The following TRAPPC9 variants were observed in gnomAD, a reference collection of about 807,000 sequenced individuals.
The protein encoded by TRAPPC9 is IKK2 binding protein.
Under a neutral mutation model 124.0 loss-of-function variants are expected in TRAPPC9, and 83 were observed. That is an observed-to-expected ratio of 0.67 (90% CI 0.56 to 0.80). The LOEUF (loss-of-function observed/expected upper bound fraction) is 0.80, where lower values mean the gene tolerates loss of function less well. Ranked by LOEUF, TRAPPC9 falls within the 30% of genes least tolerant of loss-of-function variation. The pLI, the probability that TRAPPC9 is intolerant of heterozygous loss-of-function variation, is 0.00. For missense variants in TRAPPC9, 1,302 were observed against 1,508.3 expected, an observed-to-expected ratio of 0.86 and a Z score of 2.27; for synonymous variants, 638 against 617.5, an observed-to-expected ratio of 1.03 and a Z score of -0.49.
chr8:139,798,982 C>G (rs1318117723), intron 21 of TRAPPC9, among the ~76,000 whole-genome samples: 2 of 152,152 alleles, frequency 1.3e-5, no homozygotes, highest in Non-Finnish European at 2.9e-5. Flanking sequence ...CCACATCACT[C>G]CAATCGTGGC....
In TRAPPC9 at chr8:139,729,594, C is replaced by T. The variant is rs1256003430; in HGVS notation, c.*1467G>A. Among the ~76,000 whole-genome samples, 1 of 152,212 alleles carries T rather than the reference C, an allele frequency of 6.6e-6. No homozygotes were observed. Among genetic ancestry groups the T allele is most frequent in the African/African-American group, 2.4e-5 (1 of 41,452 alleles). ...ACACCACATCACAGTGTGCTCCCAT[C>T]ATTCACTGAGCGACAACAGGAGGCC... On this transcript the variant is annotated 3_prime_UTR_variant, in exon 23 of 23. Coordinates refer to ENST00000438773, the MANE Select transcript of TRAPPC9 (RefSeq NM_001160372.4).
At chr8:139,842,882 C>A (rs75569969) in intron 21 of TRAPPC9, among the ~76,000 whole-genome samples, 1 of 152,186 alleles carries the variant, frequency 6.6e-6, no homozygotes, top group African/African-American at 2.4e-5. Flanking sequence ...TTTCATGTCA[C>A]CCCTCTAATC....
intron 17 of TRAPPC9, among the ~76,000 whole-genome samples, chr8:140,107,857 C>T (rs1440266752): frequency 2.1e-5 from 3 of 140,144 alleles, no homozygotes; most frequent in East Asian, 4.0e-4. Context: ...CTGTGCAGGG[C>T]AGAGAGGAGT....
At chr8:140,269,397 T>C (rs2064802937) in intron 15 of TRAPPC9, among the ~76,000 whole-genome samples, 1 of 151,718 alleles carries the variant, frequency 6.6e-6, no homozygotes, top group South Asian at 2.1e-4. Context: ...AAAAATTAGC[T>C]GGGCGTGGTG....
chr8:140,430,713 A>C (rs2070609129), intron 4 of TRAPPC9, among the ~76,000 whole-genome samples: 1 of 152,148 alleles, frequency 6.6e-6, no homozygotes, highest in African/African-American at 2.4e-5. Flanking sequence ...ATCTCAGCTC[A>C]CTGCAACCTC....
At chr8:140,151,523 T>C (rs2061543302) in intron 17 of TRAPPC9, among the ~76,000 whole-genome samples, 1 of 152,166 alleles carries the variant, frequency 6.6e-6, no homozygotes, top group Non-Finnish European at 1.5e-5. Flanking sequence ...CAGGCTCCCA[T>C]GTGCCCTCCC....
intron 5 of TRAPPC9, among the ~76,000 whole-genome samples, chr8:140,416,718 C>T (rs2069942197): frequency 6.6e-6 from 1 of 152,152 alleles, no homozygotes; most frequent in Non-Finnish European, 1.5e-5. Flanking sequence ...TAAAAAACTA[C>T]TTTAAATTTC....
intron 18 of TRAPPC9, among the ~76,000 whole-genome samples, chr8:140,012,649 T>C (rs1278656000): frequency 6.6e-6 from 1 of 152,194 alleles, no homozygotes; most frequent in African/African-American, 2.4e-5. Flanking sequence ...ATCCTGCTGG[T>C]CAGGCCGAGG....
chr8:140,370,181 C>T (rs2068240829), intron 8 of TRAPPC9, among the ~76,000 whole-genome samples: 1 of 151,764 alleles, frequency 6.6e-6, no homozygotes. Flanking sequence ...TCTCTGTCGC[C>T]CAGGCTGGAG....
In TRAPPC9 at chr8:139,889,957, G is replaced by A. The variant is rs371665230; in HGVS notation, c.2965-3988C>T. Reference sequence around the variant, plus strand: ...GTCAGGCTGCATCTCCATGAGGGGTGCTCCTTCTAGGGGAGTAGGCACAGG... The same window carrying A: ...GTCAGGCTGCATCTCCATGAGGGGTACTCCTTCTAGGGGAGTAGGCACAGG... On this transcript the variant is annotated intron_variant, in intron 20 of 22. Coordinates refer to ENST00000438773, the MANE Select transcript of TRAPPC9 (RefSeq NM_001160372.4). Among the ~76,000 whole-genome samples, 43 of 152,350 alleles carry A rather than the reference G, an allele frequency of 2.8e-4. No individual in the cohort carries two copies. The East Asian group carries it at 5.4e-3, about 19-fold the overall frequency.
chr8:139,967,083 T>C (rs73725344), intron 19 of TRAPPC9, among the ~76,000 whole-genome samples: 2,856 of 152,302 alleles, frequency 0.019, 84 homozygotes, highest in African/African-American at 0.065. Flanking sequence ...TCCGAAACAC[T>C]CAGGGCCCCT....
intron 21 of TRAPPC9, among the ~76,000 whole-genome samples, chr8:139,785,621 C>T (rs920778288): frequency 1.7e-4 from 25 of 151,338 alleles, no homozygotes; most frequent in Non-Finnish European, 2.9e-4. Flanking sequence ...ACCAGCTACT[C>T]GGGAGGCTGA....
At position 139,728,990 on chromosome 8, in the gene TRAPPC9, T is replaced by C. The variant is rs1447302823; in HGVS notation, c.*2071A>G. Among the ~76,000 whole-genome samples the C allele has an allele frequency of 6.6e-6, 1 of 152,242 alleles. No homozygotes were observed. Among genetic ancestry groups the C allele is most frequent in the African/African-American group, 2.4e-5 (1 of 41,456 alleles). On this transcript the variant is annotated 3_prime_UTR_variant, in exon 23 of 23. Coordinates refer to ENST00000438773, the MANE Select transcript of TRAPPC9 (RefSeq NM_001160372.4). ...CCATATTGGCTTTTCTAGGCTTCTA[T>C]ATGCATCTATATCTAATCTGGATCT...
chr8:139,975,276 G>A (rs749695216), intron 19 of TRAPPC9, among the ~76,000 whole-genome samples: 2 of 152,220 alleles, frequency 1.3e-5, no homozygotes, highest in Non-Finnish European at 2.9e-5. Context: ...ACTGGCCTCC[G>A]CATTTCGCTA....
At chr8:139,956,701 G>A (rs115504004) in intron 19 of TRAPPC9, among the ~76,000 whole-genome samples, 5,065 of 152,310 alleles carry the variant, frequency 0.033, 281 homozygotes, top group African/African-American at 0.11. Flanking sequence ...GGATGCAGAG[G>A]GGAAGCACTG....
intron 17 of TRAPPC9, among the ~76,000 whole-genome samples, chr8:140,125,841 T>A (rs1355182189): frequency 2.0e-5 from 3 of 152,104 alleles, no homozygotes; most frequent in Non-Finnish European, 4.4e-5. Context: ...GAAACAACGA[T>A]TAGACATCTC....
chr8:140,406,279 A>C (rs1468488305), intron 5 of TRAPPC9, among the ~76,000 whole-genome samples: 2 of 152,174 alleles, frequency 1.3e-5, no homozygotes, highest in African/African-American at 4.8e-5. Flanking sequence ...CTAAACAGAG[A>C]ACTCTGGCAG....
intron 21 of TRAPPC9, among the ~76,000 whole-genome samples, chr8:139,785,523 C>A (rs533864077): frequency 1.3e-5 from 2 of 148,946 alleles, no homozygotes; most frequent in African/African-American, 5.0e-5. Flanking sequence ...CATGGTGAAA[C>A]CTCATCTCTA....
chr8:140,295,793 G>A (rs2065786789), intron 11 of TRAPPC9, among the ~76,000 whole-genome samples: 1 of 152,184 alleles, frequency 6.6e-6, no homozygotes, highest in African/African-American at 2.4e-5. Context: ...TTAAAGTTAT[G>A]TGATCTGTCA....
Sources: gnomAD v4.1 joint callset for allele counts (sites outside exome capture counted in the v4.1 genomes callset) on GRCh38, gnomAD v4.1.1 for gene constraint, MANE v1.5 for transcripts, NCBI Gene and HGNC (gene_info 2026-07-23, HGNC 2026-07-21) for gene names.